Variants in REEP3 observed in about 807,000 individuals in gnomAD.
The protein encoded by REEP3 is receptor expression-enhancing protein 3.
A neutral mutation model predicts 41.3 loss-of-function variants in REEP3; 20 were observed. The observed-to-expected ratio is 0.48, with a 90% confidence interval of 0.34 to 0.70. REEP3 has a LOEUF of 0.70. Among genes scored for constraint, REEP3 ranks in the 30% least tolerant of loss-of-function variants. The probability of loss-of-function intolerance (pLI) is 0.01; values close to 1 mark genes in which losing one functional copy is unlikely to be tolerated. For synonymous variants in REEP3, 104 were observed against 101.8 expected, an observed-to-expected ratio of 1.02 and a Z score of -0.13; for missense variants, 271 against 308.8, an observed-to-expected ratio of 0.88 and a Z score of 0.92.
intron 3 of REEP3, among the ~76,000 whole-genome samples, chr10:63,595,761 A>G (rs1373065575): frequency 6.6e-6 from 1 of 152,166 alleles, no homozygotes; most frequent in Non-Finnish European, 1.5e-5. Flanking sequence ...TATTTTTAAT[A>G]GAGACGGGGT....
chr10:63,547,894 C>T (rs1955593266), intron 1 of REEP3, among the ~76,000 whole-genome samples: 1 of 152,160 alleles, frequency 6.6e-6, no homozygotes, highest in Non-Finnish European at 1.5e-5. Context: ...ACACTAACAA[C>T]TCATATTTTA....
chr10:63,600,057 G>T (rs1043986561), intron 5 of REEP3, among the ~76,000 whole-genome samples: 1 of 152,134 alleles, frequency 6.6e-6, no homozygotes, highest in African/African-American at 2.4e-5. Context: ...TAAATATCAT[G>T]TGTCTATCTC....
chr10:63,559,454 A>G (rs1955721154), intron 1 of REEP3, among the ~76,000 whole-genome samples: 1 of 152,098 alleles, frequency 6.6e-6, no homozygotes, highest in African/African-American at 2.4e-5. Flanking sequence ...ATTTTCATAC[A>G]TTCTTGGTAG....
At position 63,621,193 on chromosome 10, in the gene REEP3, C is replaced by A; in HGVS notation, c.*324C>A. The stretch of plus-strand genomic sequence containing the variant: ...AATCCACAGTATACTTGAAAGGAGC[C>A]TTTTTACGGTTCAGGATAAATCAGC... On this transcript the variant is annotated 3_prime_UTR_variant, in exon 8 of 8. Transcript: ENST00000373758. 1 of 195,348 alleles carries A rather than the reference C, an allele frequency of 5.1e-6. No individual in the cohort carries two copies. The highest frequency in any genetic ancestry group is 1.0e-5 in the Non-Finnish European group (1 of 95,280). The allele number at this position is 195,348 out of a possible 1,614,324, so 12.1% of individuals were successfully genotyped here. A position where few individuals can be genotyped will look rare whatever the true frequency, so the allele number is the denominator to read the frequency against.
chr10:63,613,999 A>T (rs1374640876), intron 6 of REEP3, among the ~76,000 whole-genome samples: 2 of 152,082 alleles, frequency 1.3e-5, no homozygotes, highest in Non-Finnish European at 2.9e-5. Flanking sequence ...ACTCTAATAC[A>T]GGGGGAAAAA....
At chr10:63,545,686 T>G (rs955979566) in intron 1 of REEP3, among the ~76,000 whole-genome samples, 29 of 137,550 alleles carry the variant, frequency 2.1e-4, no homozygotes, top group East Asian at 1.5e-3. Context: ...TTCTGTTTTT[T>G]TTTTTTTTTT....
intron 1 of REEP3, among the ~76,000 whole-genome samples, chr10:63,529,676 C>T (rs576151149): frequency 6.6e-6 from 1 of 152,080 alleles, no homozygotes; most frequent in East Asian, 1.9e-4. Context: ...CCATATTGCC[C>T]AGGCTGGTCT....
intron 1 of REEP3, among the ~76,000 whole-genome samples, chr10:63,556,904 G>C (rs948153063): frequency 6.6e-6 from 1 of 151,848 alleles, no homozygotes; most frequent in African/African-American, 2.4e-5. Flanking sequence ...CAAAGTGCTG[G>C]GATTACAGGC....
intron 1 of REEP3, among the ~76,000 whole-genome samples, chr10:63,563,553 A>G (rs957745999): frequency 1.3e-5 from 2 of 152,202 alleles, no homozygotes; most frequent in African/African-American, 4.8e-5. Context: ...TCTGATAACC[A>G]AAACAGCTGC....
intron 6 of REEP3, among the ~76,000 whole-genome samples, chr10:63,618,457 C>T (rs918780446): frequency 2.6e-5 from 4 of 151,676 alleles, no homozygotes; most frequent in African/African-American, 7.3e-5. Flanking sequence ...CCATGTTAGC[C>T]AGGATGGTCT....
intron 6 of REEP3, 137 bp from the exon 7 acceptor site, chr10:63,619,518 T>C: frequency 1.6e-6 from 1 of 636,996 alleles, no homozygotes; most frequent in Non-Finnish European, 2.6e-6. Context: ...ATAAAGGGCA[T>C]GGAGCACATT....
At chr10:63,541,377 A>G (rs1249275622) in intron 1 of REEP3, among the ~76,000 whole-genome samples, 2 of 152,204 alleles carry the variant, frequency 1.3e-5, no homozygotes. Flanking sequence ...GATGGTTCAT[A>G]TAGTTCTAGA....
chr10:63,531,692 C>T (rs1955422268), intron 1 of REEP3, among the ~76,000 whole-genome samples: 1 of 152,100 alleles, frequency 6.6e-6, no homozygotes, highest in Non-Finnish European at 1.5e-5. Flanking sequence ...TTTTTATCAT[C>T]GCAGAGTTCT....
chr10:63,555,490 A>G (rs1004271021), intron 1 of REEP3, among the ~76,000 whole-genome samples: 8 of 152,234 alleles, frequency 5.3e-5, no homozygotes, highest in Non-Finnish European at 1.0e-4. Context: ...AAACTCATGT[A>G]GGAAGTTTAT....
chr10:63,590,895 A>T (rs1457889303), intron 2 of REEP3, among the ~76,000 whole-genome samples: 1 of 152,356 alleles, frequency 6.6e-6, no homozygotes, highest in African/African-American at 2.4e-5. Flanking sequence ...CCAGTAGCTT[A>T]AAAGGTGATT....
chr10:63,522,653 C>T (rs1955293864), intron 1 of REEP3, among the ~76,000 whole-genome samples: 1 of 152,146 alleles, frequency 6.6e-6, no homozygotes, highest in Non-Finnish European at 1.5e-5. Flanking sequence ...ATAACATTAC[C>T]AGACTTTTTG....
At chr10:63,598,534 C>G (rs1389336754) in intron 4 of REEP3, among the ~76,000 whole-genome samples, 1 of 150,436 alleles carries the variant, frequency 6.6e-6, no homozygotes, top group African/African-American at 2.4e-5. Flanking sequence ...CCTGTAATCC[C>G]AGCACTTTGG....
At chr10:63,604,454 G>T (rs1956204721) in intron 5 of REEP3, among the ~76,000 whole-genome samples, 1 of 152,116 alleles carries the variant, frequency 6.6e-6, no homozygotes, top group Admixed American at 6.6e-5. Context: ...AATTTCTCTG[G>T]CAGCCTTTTT....
chr10:63,523,343 A>C (rs983922062), intron 1 of REEP3, among the ~76,000 whole-genome samples: 1 of 152,214 alleles, frequency 6.6e-6, no homozygotes, highest in East Asian at 1.9e-4. Context: ...GATGGGCCTT[A>C]AAGAATAGGC....
Sources: gnomAD v4.1 joint callset for allele counts (sites outside exome capture counted in the v4.1 genomes callset) on GRCh38, gnomAD v4.1.1 for gene constraint, MANE v1.5 for transcripts, NCBI Gene and HGNC (gene_info 2026-07-23, HGNC 2026-07-21) for gene names.